The following ARHGAP26 variants were observed in gnomAD, a reference collection of about 807,000 sequenced individuals.
ARHGAP26 encodes the protein Rho GTPase activating protein 26.
A neutral mutation model predicts 104.8 loss-of-function variants in ARHGAP26; 38 were observed. The observed-to-expected ratio is 0.36, with a 90% CI of 0.28 to 0.48. ARHGAP26 has a LOEUF of 0.48. Ranked by LOEUF, ARHGAP26 falls within the 20% of genes least tolerant of loss-of-function variation. ARHGAP26 has a pLI of 0.99. For synonymous variants in ARHGAP26, 341 were observed against 340.0 expected (o/e 1.00, Z -0.03); for missense variants, 704 against 947.9 (o/e 0.74, Z 3.38).
chr5:142,861,780 T>G (rs1450717196), intron 1 of ARHGAP26, among the ~76,000 whole-genome samples: 1 of 152,238 alleles, frequency 6.6e-6, no homozygotes, highest in Non-Finnish European at 1.5e-5. Context: ...GGTTTCCCTT[T>G]AGTGCCTTTT....
intron 11 of ARHGAP26, among the ~76,000 whole-genome samples, chr5:142,944,447 A>T (rs994055054): frequency 6.6e-6 from 1 of 152,182 alleles, no homozygotes; most frequent in Admixed American, 6.5e-5. Flanking sequence ...ATTCCAGTAG[A>T]TATTGCCAAT....
intron 17 of ARHGAP26, among the ~76,000 whole-genome samples, chr5:143,066,209 G>C (rs1229364788): frequency 6.6e-6 from 1 of 152,168 alleles, no homozygotes; most frequent in Non-Finnish European, 1.5e-5. Context: ...ATGCTGTGTG[G>C]GTTTGTAGCC....
intron 17 of ARHGAP26, among the ~76,000 whole-genome samples, chr5:143,069,820 T>G (rs1275402157): frequency 1.3e-5 from 2 of 152,356 alleles, no homozygotes; most frequent in Middle Eastern, 3.4e-3. Flanking sequence ...CATCATTATG[T>G]GGAAGATAAG....
chr5:143,035,814 T>C (rs1428092244), intron 12 of ARHGAP26, among the ~76,000 whole-genome samples: 1 of 151,374 alleles, frequency 6.6e-6, no homozygotes, highest in Non-Finnish European at 1.5e-5. Flanking sequence ...TGGGTGCCTG[T>C]AATCCCAGCT....
intron 11 of ARHGAP26, among the ~76,000 whole-genome samples, chr5:142,941,771 A>G (rs1218267950): frequency 6.6e-6 from 1 of 152,246 alleles, no homozygotes; most frequent in Non-Finnish European, 1.5e-5. Flanking sequence ...GAAAAGAGAA[A>G]GAGGTCAGTT....
intron 14 of ARHGAP26, among the ~76,000 whole-genome samples, chr5:143,042,693 G>T (rs545389574): frequency 5.9e-5 from 9 of 152,290 alleles, no homozygotes; most frequent in African/African-American, 2.2e-4. Context: ...CAGTGTTTTG[G>T]ACAGGGACAG....
intron 11 of ARHGAP26, among the ~76,000 whole-genome samples, chr5:142,990,804 T>C (rs1775480198): frequency 6.6e-6 from 1 of 152,146 alleles, no homozygotes; most frequent in Non-Finnish European, 1.5e-5. Context: ...AAATGTTGCT[T>C]CCTGATCCTT....
chr5:142,954,500 C>T (rs1240260790), intron 11 of ARHGAP26, among the ~76,000 whole-genome samples: 1 of 152,230 alleles, frequency 6.6e-6, no homozygotes, highest in African/African-American at 2.4e-5. Context: ...CCTGTTTTCT[C>T]TCCAGCTTTG....
intron 21 of ARHGAP26, among the ~76,000 whole-genome samples, chr5:143,207,769 G>A (rs1808805622): frequency 6.6e-6 from 1 of 152,212 alleles, no homozygotes; most frequent in African/African-American, 2.4e-5. Context: ...TAACATAAGA[G>A]GAAACAGTGT....
At chr5:143,043,046 A>G (rs938953881) in intron 14 of ARHGAP26, among the ~76,000 whole-genome samples, 1 of 152,230 alleles carries the variant, frequency 6.6e-6, no homozygotes, top group Admixed American at 6.5e-5. Flanking sequence ...GATCCTGTGT[A>G]CCACTTACTC....
intron 17 of ARHGAP26, among the ~76,000 whole-genome samples, chr5:143,113,926 G>A (rs562744799): frequency 6.6e-6 from 1 of 152,214 alleles, no homozygotes; most frequent in African/African-American, 2.4e-5. Flanking sequence ...GAGAGAGCTG[G>A]GGTTGGGAGT....
rs10610584 is a variant in ARHGAP26, at chr5:143,168,445, CTTTTTTTTTTTTTT to C, written c.1988+21082_1988+21095del. ...CAAATAGACCTCACCATCTGGAACTCTTTTTTTTTTTTTTTTTTTTTTTTTTTTTTTGCTCAAAT... is the reference window on the plus strand; with the variant it reads ...CAAATAGACCTCACCATCTGGAACTCTTTTTTTTTTTTTTTTTGCTCAAAT... On this transcript the variant is annotated intron_variant, in intron 20 of 22. Transcript: ENST00000645722. The C allele has an allele frequency of 2.1e-3, 54 of 25,710 alleles. 2 individuals are homozygous for C. The highest frequency in any genetic ancestry group is 7.5e-3 in the East Asian group (4 of 536). 1.6% of individuals were successfully genotyped at this position (25,710 alleles called of 1,614,324 possible). A position where few individuals can be genotyped will look rare whatever the true frequency, so the allele number is the denominator to read the frequency against.
intron 10 of ARHGAP26, among the ~76,000 whole-genome samples, chr5:142,924,667 T>A (rs1344571492): frequency 6.6e-6 from 1 of 152,228 alleles, no homozygotes; most frequent in Non-Finnish European, 1.5e-5. Context: ...CATGGCATAT[T>A]ATTAATTCTT....
At chr5:142,925,473 A>C (rs181574491) in intron 10 of ARHGAP26, among the ~76,000 whole-genome samples, 16 of 152,322 alleles carry the variant, frequency 1.1e-4, no homozygotes, top group African/African-American at 3.4e-4. Context: ...ACAGACATGG[A>C]AAAGGTGTCA....
chr5:143,151,939 G>A (rs6864595), intron 20 of ARHGAP26, among the ~76,000 whole-genome samples: 8,552 of 152,186 alleles, frequency 0.056, 808 homozygotes, highest in African/African-American at 0.19. Context: ...CTGGGCTACC[G>A]AGCAAGACTC....
intron 5 of ARHGAP26, among the ~76,000 whole-genome samples, chr5:142,886,727 A>T (rs1757766145): frequency 1.3e-5 from 2 of 152,226 alleles, no homozygotes; most frequent in Non-Finnish European, 2.9e-5. Context: ...AAAATAAAAA[A>T]AAAAAATCTT....
chr5:143,185,114 T>C (rs1804947523), intron 20 of ARHGAP26, among the ~76,000 whole-genome samples: 1 of 152,258 alleles, frequency 6.6e-6, no homozygotes, highest in Admixed American at 6.5e-5. Context: ...CTGAAAATTA[T>C]ATTGCTGATA....
At chr5:143,089,889 G>C (rs1187623706) in intron 17 of ARHGAP26, among the ~76,000 whole-genome samples, 1 of 152,084 alleles carries the variant, frequency 6.6e-6, no homozygotes, top group Admixed American at 6.5e-5. Context: ...TCTTTTTCTG[G>C]TTGATGAAAT....
chr5:143,134,468 G>C (rs1033512073), intron 19 of ARHGAP26, among the ~76,000 whole-genome samples: 8 of 151,936 alleles, frequency 5.3e-5, no homozygotes, highest in African/African-American at 1.9e-4. Context: ...TCCTTTTCTC[G>C]GTTGTAATGA....
Sources: allele counts gnomAD v4.1 joint callset (sites outside exome capture counted in the v4.1 genomes callset), GRCh38; gene constraint gnomAD v4.1.1; transcripts MANE v1.5; gene names NCBI Gene and HGNC (gene_info 2026-07-23, HGNC 2026-07-21).